The following CDCP1 variants were observed in gnomAD, a reference collection of about 807,000 sequenced individuals.
The protein encoded by CDCP1 is CUB domain containing protein 1, also known as CUB domain-containing protein 1.
A neutral mutation model predicts 60.2 loss-of-function variants in CDCP1; 29 were observed. The ratio of observed to expected loss-of-function variants is 0.48; its 90% CI spans 0.36 to 0.66. CDCP1 has a LOEUF of 0.66. Among genes scored for constraint, CDCP1 ranks in the 30% least tolerant of loss-of-function variants. The pLI, the probability that CDCP1 is intolerant of heterozygous loss-of-function variation, is 0.00. For synonymous variants in CDCP1, 387 were observed against 431.1 expected (o/e 0.90, Z 1.27); for missense variants, 876 against 1,074.3 (o/e 0.82, Z 2.58).
chr3:45,097,345 A>G (rs1029641442), intron 4 of CDCP1, among the ~76,000 whole-genome samples: 1 of 151,982 alleles, frequency 6.6e-6, no homozygotes, highest in Non-Finnish European at 1.5e-5. Flanking sequence ...GAAAAGAAAA[A>G]AAGAATAGGG....
At chr3:45,099,625 G>A (rs1443244894) in intron 4 of CDCP1, among the ~76,000 whole-genome samples, 3 of 151,954 alleles carry the variant, frequency 2.0e-5, no homozygotes, top group African/African-American at 7.3e-5. Flanking sequence ...TCCGGATATT[G>A]GGCCTCCTTG....
rs112754250 is a variant in CDCP1 at position 45,087,487 on chromosome 3, C to T, written c.2082-1420G>A. On this transcript the variant is annotated intron_variant, in intron 8 of 8. Coordinates refer to ENST00000296129, the MANE Select transcript of CDCP1 (RefSeq NM_022842.5). ...GGGCCCAGTGTTAATGCCATGCTTC[C>T]CCAACTGGGTGGGCTATTCCGTGCA... Among the ~76,000 whole-genome samples, 1,389 of 152,304 alleles carry T rather than the reference C, an allele frequency of 9.1e-3. 16 individuals carry two copies. The highest frequency in any genetic ancestry group is 0.031 in the African/African-American group (1,272 of 41,558).
intron 4 of CDCP1, among the ~76,000 whole-genome samples, chr3:45,101,309 G>A (rs527860777): frequency 1.3e-5 from 2 of 152,298 alleles, no homozygotes; most frequent in Non-Finnish European, 2.9e-5. Context: ...CTACCATTTC[G>A]CAGACAAACT....
chr3:45,112,597 G>A (rs1426828953), intron 2 of CDCP1, 152 bp from the exon 3 acceptor site: 2 of 1,041,398 alleles, frequency 1.9e-6, no homozygotes, highest in African/African-American at 3.2e-5. Flanking sequence ...CAACTGCTGT[G>A]AGTCTTAGTG....
At chr3:45,134,784 G>T (rs1224844634) in intron 1 of CDCP1, among the ~76,000 whole-genome samples, 2 of 152,132 alleles carry the variant, frequency 1.3e-5, no homozygotes, top group Non-Finnish European at 2.9e-5. Flanking sequence ...CACTCCAGGA[G>T]ATCTTTGGGG....
chr3:45,107,070 C>CT (rs1698579069), intron 4 of CDCP1, among the ~76,000 whole-genome samples: 1 of 152,180 alleles, frequency 6.6e-6, no homozygotes, highest in African/African-American at 2.4e-5. Flanking sequence ...CTACCAGCTG[C>CT]GGTCCACTCT....
At chr3:45,138,055 C>G (rs1435786206) in intron 1 of CDCP1, among the ~76,000 whole-genome samples, 1 of 152,214 alleles carries the variant, frequency 6.6e-6, no homozygotes, top group African/African-American at 2.4e-5. Context: ...ATGAAGATAG[C>G]TGCAATCCCC....
Position 45,082,720 on chromosome 3 carries a change from C to A in CDCP1, c.*2918G>T, listed in dbSNP as rs973067442. On this transcript the variant is annotated 3_prime_UTR_variant, in exon 9 of 9. Coordinates refer to ENST00000296129, the MANE Select transcript of CDCP1 (RefSeq NM_022842.5). Reference sequence around the variant, plus strand: ...GAGACCTTTCCCTTCTGTGCAATGACCACAGCATTAGAGACCAGTCCTGCA... The same window carrying A: ...GAGACCTTTCCCTTCTGTGCAATGAACACAGCATTAGAGACCAGTCCTGCA... 6.6e-6 allele frequency: 1 copy of A among 152,220 alleles called. No individual in the cohort carries two copies. Among genetic ancestry groups the A allele is most frequent in the Non-Finnish European group, 1.5e-5 (1 of 68,064 alleles). The allele number at this position is 152,220 out of a possible 1,614,324, so 9.4% of individuals were successfully genotyped here.
At chr3:45,098,322 CTGAG>C (rs1698435825) in intron 4 of CDCP1, among the ~76,000 whole-genome samples, 1 of 152,076 alleles carries the variant, frequency 6.6e-6, no homozygotes, top group Non-Finnish European at 1.5e-5. Context: ...CTTTAGCCTC[CTGAG>C]TATCTGTGAA....
intron 1 of CDCP1, among the ~76,000 whole-genome samples, chr3:45,129,444 T>C (rs1361631463): frequency 6.6e-6 from 1 of 152,194 alleles, no homozygotes; most frequent in Non-Finnish European, 1.5e-5. Flanking sequence ...AAATAACAAA[T>C]ATAACTCACC....
intron 4 of CDCP1, among the ~76,000 whole-genome samples, chr3:45,108,129 A>G (rs1424007660): frequency 6.9e-6 from 1 of 144,794 alleles, no homozygotes; most frequent in East Asian, 1.9e-4. Context: ...TGCCTAAAAA[A>G]AAAAGAAAAA....
intron 1 of CDCP1, among the ~76,000 whole-genome samples, chr3:45,134,770 G>A (rs1209836613): frequency 1.3e-5 from 2 of 152,006 alleles, no homozygotes; most frequent in African/African-American, 2.4e-5. Context: ...AACACAACGT[G>A]GCACACTCCA....
intron 1 of CDCP1, among the ~76,000 whole-genome samples, chr3:45,129,836 C>T (rs1699057541): frequency 6.6e-6 from 1 of 152,040 alleles, no homozygotes; most frequent in Admixed American, 6.6e-5. Flanking sequence ...AAGTCAGCAG[C>T]GGGGTGGTTA....
intron 1 of CDCP1, among the ~76,000 whole-genome samples, chr3:45,144,466 T>A (rs967282639): frequency 1.3e-5 from 2 of 152,154 alleles, no homozygotes; most frequent in African/African-American, 4.8e-5. Context: ...AAAGGGAAAG[T>A]TCCTAGGTTT....
intron 1 of CDCP1, among the ~76,000 whole-genome samples, chr3:45,135,307 A>AC (rs1393910692): frequency 6.6e-6 from 1 of 152,010 alleles, no homozygotes; most frequent in Non-Finnish European, 1.5e-5. Context: ...GAAAAAAAAA[A>AC]AAACAAAAAA....
Position 45,112,155 on chromosome 3 carries a change from C to T in CDCP1, c.583G>A (p.Ala195Thr), listed in dbSNP as rs2125997652. 1.2e-6 allele frequency: 2 copies of T among 1,614,110 alleles called. No homozygotes were observed. Among genetic ancestry groups the T allele is most frequent in the Non-Finnish European group, 1.7e-6 (2 of 1,180,010 alleles). The change falls in exon 3 of 9, where the codon GCC becomes ACC. Residue 195 changes from alanine to threonine, a missense_variant. Transcript: ENST00000296129. The stretch of plus-strand genomic sequence containing the variant: ...GGGTGGAACCATGGGAGGTGTAAGG[C>T]CATTTTCACTCCTTCTTGCATCTTG... ...RIKMQEGVKM[A>T]LHLPWFHPRN...
intron 1 of CDCP1, among the ~76,000 whole-genome samples, chr3:45,124,958 G>A (rs1698952367): frequency 6.6e-6 from 1 of 152,114 alleles, no homozygotes; most frequent in South Asian, 2.1e-4. Context: ...CTGTTCATTA[G>A]ACCCAAATAG....
intron 1 of CDCP1, among the ~76,000 whole-genome samples, chr3:45,138,038 C>T (rs1051780399): frequency 2.6e-5 from 4 of 152,260 alleles, no homozygotes; most frequent in African/African-American, 9.6e-5. Flanking sequence ...GCTAATAACA[C>T]CCGGTCATGA....
chr3:45,127,064 A>G (rs754484371), intron 1 of CDCP1, among the ~76,000 whole-genome samples: 3 of 152,238 alleles, frequency 2.0e-5, no homozygotes, highest in Non-Finnish European at 2.9e-5. Flanking sequence ...TTACCAACAA[A>G]GTCAATCAAG....
Sources: gnomAD v4.1 joint callset for allele counts (sites outside exome capture counted in the v4.1 genomes callset) on GRCh38, gnomAD v4.1.1 for gene constraint, MANE v1.5 for transcripts, NCBI Gene and HGNC (gene_info 2026-07-23, HGNC 2026-07-21) for gene names.